The following XAB2 variants were observed in gnomAD, a reference collection of about 807,000 sequenced individuals.
XAB2 encodes the protein pre-mRNA-splicing factor SYF1.
Under a neutral mutation model 113.4 loss-of-function variants are expected in XAB2, and 57 were observed. The observed-to-expected ratio is 0.50, with a 90% CI of 0.41 to 0.63. The LOEUF is 0.63. Ranked by LOEUF, XAB2 falls within the 20% of genes least tolerant of loss-of-function variation. The pLI is 0.00. For synonymous variants in XAB2, 497 were observed against 498.8 expected (o/e 1.00, Z 0.05); for missense variants, 1,037 against 1,233.3 (o/e 0.84, Z 2.38).
rs371936099 is a variant in XAB2, at chr19:7,628,226, T to C, written c.124A>G (p.Ile42Val). 1.2e-6 allele frequency: 2 copies of C among 1,614,120 alleles called. No homozygotes were observed. Among genetic ancestry groups the C allele is most frequent in the Non-Finnish European group, 1.7e-6 (2 of 1,180,012 alleles). The change falls in exon 2 of 19, where the codon ATC becomes GTC. Residue 42 changes from isoleucine (I) to valine (V), a missense_variant. Transcript: ENST00000358368. This position sits in a 1 kb window ranked among gnomAD's most constrained non-coding sequence, Gnocchi z 4.6. ...TTCGGGGCGCCCTGTTTGAACTCGA[T>C]GTAGCGAAGCCAGCATTTGACAGAG... ...QFSVKCWLRY[I>V]EFKQGAPKPR...
In XAB2 at chr19:7,628,449, C is replaced by T; in HGVS notation, c.52-151G>A. The T allele has an allele frequency of 1.1e-6, 1 of 924,522 alleles. No homozygotes were observed. Among genetic ancestry groups the T allele is most frequent in the South Asian group, 1.6e-5 (1 of 61,110 alleles). 57.3% of individuals were successfully genotyped at this position (924,522 alleles called of 1,614,324 possible). On this transcript the variant is annotated intron_variant, in intron 1 of 18. Transcript: ENST00000358368. The surrounding 1 kb of genome is among the most constrained non-coding windows in gnomAD (Gnocchi z 4.6). Reference sequence around the variant, plus strand: ...AGTCAGGTCACCAGATGCCCAGGCACCAAACCAGATGCCCGACACCAAGAC... The same window carrying T: ...AGTCAGGTCACCAGATGCCCAGGCATCAAACCAGATGCCCGACACCAAGAC...
rs778960885 is a variant in XAB2, at chr19:7,621,295, C to T, written c.1620G>A (p.Ala540=). 1.1e-5 allele frequency: 18 copies of T among 1,612,450 alleles called. No homozygotes were observed. The highest frequency in any genetic ancestry group is 2.2e-5 in the South Asian group (2 of 91,068). The part of the protein sequence containing the change: ...EHKYFEESFK[A]YERGISLFKW... ...TGAACAGCGAGATGCCGCGCTCGTA[C>T]GCCTGTTACCAGAGGGAGAGTCACA... The change falls in exon 13 of 19, where the codon GCG becomes GCA. Residue 540 remains alanine (A), a splice_region_variant and synonymous_variant. Coordinates refer to ENST00000358368, the MANE Select transcript of XAB2 (RefSeq NM_020196.3).
intron 12 of XAB2, chr19:7,621,911 C>T (rs943276596): frequency 4.7e-6 from 1 of 214,852 alleles, no homozygotes; most frequent in East Asian, 1.2e-4. Context: ...GTGCCCCCCT[C>T]AAAACATTCA....
Position 7,624,563 on chromosome 19 carries a change from C to T in XAB2, c.823-118G>A. 4 of 1,463,346 alleles carry T rather than the reference C, an allele frequency of 2.7e-6. No individual in the cohort carries two copies. The highest frequency in any genetic ancestry group is 1.2e-5 in the South Asian group (1 of 80,900). 90.6% of individuals were successfully genotyped at this position (1,463,346 alleles called of 1,614,324 possible). On this transcript the variant is annotated intron_variant, in intron 6 of 18. Transcript: ENST00000358368. The surrounding 1 kb of genome is among the most constrained non-coding windows in gnomAD (Gnocchi z 4.2). ...GGGGCCTTCTGGGTAGTGACGCATC[C>T]AGCACCTCTGGGTAGTGACCCCAGG...
chr19:7,627,627 C>A lies in XAB2; in HGVS notation c.324+101G>T. 2.6e-6 allele frequency: 4 copies of A among 1,560,456 alleles called. No individual in the cohort carries two copies. The highest frequency in any genetic ancestry group is 1.8e-5 in the Admixed American group (1 of 57,060). ...TGCAAAGAAGCAACAGGAATCCAAG[C>A]CCCCATCCCTAACATGCTGAGCCCA... is the stretch of plus-strand genomic sequence containing the variant. On this transcript the variant is annotated intron_variant, in intron 3 of 18. Transcript: ENST00000358368. The surrounding 1 kb of genome is among the most constrained non-coding windows in gnomAD (Gnocchi z 4.5).
At position 7,625,624 on chromosome 19, in the gene XAB2, G is replaced by A. The variant is rs186790075; in HGVS notation, c.822+256C>T. The stretch of plus-strand genomic sequence containing the variant: ...CTCCCGAGTAGCTGGGATTACAGGC[G>A]CGCACCACCATGTCTGACTAATTTT... On this transcript the variant is annotated intron_variant, in intron 6 of 18. Transcript: ENST00000358368. This position sits in a 1 kb window ranked among gnomAD's most constrained non-coding sequence, Gnocchi z 5.2. 2.6e-5 allele frequency among the ~76,000 whole-genome samples: 4 copies of A among 152,036 alleles called. No individual in the cohort carries two copies. Among genetic ancestry groups the A allele is most frequent in the South Asian group, 2.1e-4 (1 of 4,810 alleles).
rs1228286339 is a variant in XAB2 at position 7,625,677 on chromosome 19, C to A, written c.822+203G>T. 6.6e-6 allele frequency among the ~76,000 whole-genome samples: 1 copy of A among 152,080 alleles called. No homozygotes were observed. The highest frequency in any genetic ancestry group is 3.2e-3 in the Middle Eastern group (1 of 316). ...TATTTTTAGTAGTGATGGGGTTTCA[C>A]CATGTTGGCCAGGCTGGTCTTGAAC... On this transcript the variant is annotated intron_variant, in intron 6 of 18. Transcript: ENST00000358368. The surrounding 1 kb of genome is among the most constrained non-coding windows in gnomAD (Gnocchi z 5.2).
At chr19:7,619,709 T>TCGGTAATGCCCCACCTCGGAC in intron 18 of XAB2, 38 bp downstream of exon 18, 1 of 1,610,954 alleles carries the variant, frequency 6.2e-7, no homozygotes, top group South Asian at 1.1e-5. Context: ...AGGCCCACCC[T>TCGGTAATGCCCCACCTCGGAC]GGTAATGCCA....
At position 7,628,207 on chromosome 19, in the gene XAB2, G is replaced by A; in HGVS notation, c.143C>T (p.Ala48Val). The A allele has an allele frequency of 1.9e-6, 3 of 1,614,122 alleles. No individual in the cohort carries two copies. The highest frequency in any genetic ancestry group is 2.5e-6 in the Non-Finnish European group (3 of 1,180,030). The stretch of plus-strand genomic sequence containing the variant: ...TAGCTGATTGAGCCTGGGCTTCGGG[G>A]CGCCCTGTTTGAACTCGATGTAGCG... ...WLRYIEFKQG[A>V]PKPRLNQLYE... Residue 48 changes from alanine to valine, a missense_variant, in exon 2 of 19, where the codon GCC (alanine) becomes GTC (valine). Coordinates refer to ENST00000358368, the MANE Select transcript of XAB2 (RefSeq NM_020196.3). This position sits in a 1 kb window ranked among gnomAD's most constrained non-coding sequence, Gnocchi z 4.6.
rs773800959 is a variant in XAB2 at position 7,629,485 on chromosome 19, G to C, written c.43C>G (p.Leu15Val). ...ARLSRPERPD[L>V]VFEEEDLPYE... Reference sequence around the variant, plus strand: ...CTCCTCTGTGGACTCACGAAGACAAGGTCCGGCCGCTCGGGCCGCGAGAGT... The same window carrying C: ...CTCCTCTGTGGACTCACGAAGACAACGTCCGGCCGCTCGGGCCGCGAGAGT... Residue 15 changes from leucine to valine, a missense_variant, in exon 1 of 19, where the codon CTT becomes GTT. Physicochemically the swap from Leu to Val is conservative, Grantham distance 32. Coordinates refer to ENST00000358368, the MANE Select transcript of XAB2 (RefSeq NM_020196.3). 4.4e-6 allele frequency: 7 copies of C among 1,601,656 alleles called. No individual in the cohort carries two copies. The highest frequency in any genetic ancestry group is 6.0e-6 in the Non-Finnish European group (7 of 1,174,486).
rs757523249 is a variant in XAB2, at chr19:7,622,427, G to A, written c.1521C>T (p.Tyr507=). The change falls in exon 12 of 19, where the codon TAC becomes TAT. Residue 507 remains tyrosine (Y), a synonymous_variant. Coordinates refer to ENST00000358368, the MANE Select transcript of XAB2 (RefSeq NM_020196.3). ...LGTFQSTKAV[Y]DRILDLRIAT... ...CGATACGCAGGTCCAGGATGCGGTC[G>A]TACACGGCCTTGGTGGACTGCAGGG... 170 of 1,614,064 alleles carry A rather than the reference G, an allele frequency of 1.1e-4. No homozygotes were observed. The highest frequency in any genetic ancestry group is 1.4e-4 in the Non-Finnish European group (161 of 1,180,044).
rs1030701637 is a variant in XAB2, at chr19:7,627,634, C to A, written c.324+94G>T. 2 of 1,570,584 alleles carry A rather than the reference C, an allele frequency of 1.3e-6. No individual in the cohort carries two copies. Among genetic ancestry groups the A allele is most frequent in the African/African-American group, 1.3e-5 (1 of 74,274 alleles). The stretch of plus-strand genomic sequence containing the variant: ...AAGCAACAGGAATCCAAGCCCCCAT[C>A]CCTAACATGCTGAGCCCAGCCCCTG... On this transcript the variant is annotated intron_variant, in intron 3 of 18. Coordinates refer to ENST00000358368, the MANE Select transcript of XAB2 (RefSeq NM_020196.3). The surrounding 1 kb of genome is among the most constrained non-coding windows in gnomAD (Gnocchi z 4.5).
Position 7,627,655 on chromosome 19 carries a change from C to A in XAB2, c.324+73G>T. ...CCATCCCTAACATGCTGAGCCCAGC[C>A]CCTGTCCCCGCCCCACCCACCACCA... On this transcript the variant is annotated intron_variant, in intron 3 of 18. Transcript: ENST00000358368. This position sits in a 1 kb window ranked among gnomAD's most constrained non-coding sequence, Gnocchi z 4.5. 1.3e-6 allele frequency: 2 copies of A among 1,590,070 alleles called. No individual in the cohort carries two copies. The highest frequency in any genetic ancestry group is 1.7e-6 in the Non-Finnish European group (2 of 1,164,402).
chr19:7,629,452 A>G, intron 1 of XAB2, 25 bp downstream of exon 1: 1 of 1,581,992 alleles, frequency 6.3e-7, no homozygotes, highest in South Asian at 1.2e-5. Context: ...AACGCAGGCC[A>G]CCCCCGGCTC....
In XAB2 at chr19:7,625,861, C is replaced by G; in HGVS notation, c.822+19G>C. ...GGAGACCCCGCCCCGAACCCAGAGC[C>G]CCGTGTGCCAGCATGCACCTTCTCG... is the stretch of plus-strand genomic sequence containing the variant. On this transcript the variant is annotated intron_variant, in intron 6 of 18. Coordinates refer to ENST00000358368, the MANE Select transcript of XAB2 (RefSeq NM_020196.3). This position sits in a 1 kb window ranked among gnomAD's most constrained non-coding sequence, Gnocchi z 5.2. 6.3e-7 allele frequency: 1 copy of G among 1,585,038 alleles called. No individual in the cohort carries two copies. Among genetic ancestry groups the G allele is most frequent in the Non-Finnish European group, 8.6e-7 (1 of 1,160,672 alleles).
At chr19:7,621,094 A>AACCCCCCCCCCCC in intron 13 of XAB2, 41 bp downstream of exon 13, 18 of 1,494,406 alleles carry the variant, frequency 1.2e-5, no homozygotes, top group Admixed American at 2.0e-5. Flanking sequence ...TCAGAAACCC[A>AACCCCCCCCCCCC]GCCCGCCCGC....
chr19:7,629,485 G>A lies in XAB2; in HGVS notation c.43C>T (p.Leu15Phe), dbSNP rs773800959. Reference protein sequence around the residue: ...ARLSRPERPDLVFEEEDLPYE... With the variant: ...ARLSRPERPDFVFEEEDLPYE... ...CTCCTCTGTGGACTCACGAAGACAA[G>A]GTCCGGCCGCTCGGGCCGCGAGAGT... Residue 15 changes from leucine (L) to phenylalanine (F), a missense_variant, in exon 1 of 19, where the codon CTT becomes TTT. By Grantham distance (22) the Leu-to-Phe change is conservative (BLOSUM62 0). Transcript: ENST00000358368. 1 of 1,601,656 alleles carries A rather than the reference G, an allele frequency of 6.2e-7. No individual in the cohort carries two copies. Among genetic ancestry groups the A allele is most frequent in the Non-Finnish European group, 8.5e-7 (1 of 1,174,486 alleles).
Position 7,627,412 on chromosome 19 carries a change from T to G in XAB2, c.353A>C (p.Gln118Pro), listed in dbSNP as rs779322789. 1 of 1,605,970 alleles carries G rather than the reference T, an allele frequency of 6.2e-7. No homozygotes were observed. The change falls in exon 4 of 19, where the codon CAG becomes CCG. Residue 118 changes from glutamine (Q) to proline (P), a missense_variant. Coordinates refer to ENST00000358368, the MANE Select transcript of XAB2 (RefSeq NM_020196.3). This position sits in a 1 kb window ranked among gnomAD's most constrained non-coding sequence, Gnocchi z 4.5. ...GACGCGCCCCTGGTCCATGAGGAAC[T>G]GGCAGTAATCTAGCCACAGACGAGG... ...KMPRLWLDYCQFLMDQGRVTH... is the reference protein window; with the variant it reads ...KMPRLWLDYCPFLMDQGRVTH...
In XAB2 at chr19:7,627,459, G is replaced by A. The variant is rs1599374339; in HGVS notation, c.325-19C>T. On this transcript the variant is annotated intron_variant, in intron 3 of 18. Coordinates refer to ENST00000358368, the MANE Select transcript of XAB2 (RefSeq NM_020196.3). This position sits in a 1 kb window ranked among gnomAD's most constrained non-coding sequence, Gnocchi z 4.5. The stretch of plus-strand genomic sequence containing the variant: ...GAGGCATCTGGGGGTGTGGGGAGAG[G>A]CGGCTGGGGCTAAGCCACGGACTCC... 19 of 1,591,476 alleles carry A rather than the reference G, an allele frequency of 1.2e-5. No homozygotes were observed. Among genetic ancestry groups the A allele is most frequent in the Non-Finnish European group, 1.5e-5 (18 of 1,170,682 alleles).
Sources: allele counts gnomAD v4.1 joint callset (sites outside exome capture counted in the v4.1 genomes callset), GRCh38; gene constraint gnomAD v4.1.1; non-coding constraint Gnocchi (gnomAD v3.1); transcripts MANE v1.5; gene names NCBI Gene and HGNC (gene_info 2026-07-23, HGNC 2026-07-21).